The following NCKAP5 variants were observed in gnomAD, a reference collection of about 807,000 sequenced individuals.
The protein encoded by NCKAP5 is NCK associated protein 5.
A neutral mutation model predicts 167.0 loss-of-function variants in NCKAP5; 92 were observed. The observed-to-expected ratio is 0.55, with a 90% CI of 0.47 to 0.66. The LOEUF (loss-of-function observed/expected upper bound fraction) is 0.66. Among genes scored for constraint, NCKAP5 ranks in the 30% least tolerant of loss-of-function variants. NCKAP5 has a pLI of 0.00. For synonymous variants in NCKAP5, 891 were observed against 877.4 expected, an observed-to-expected ratio of 1.02 and a Z score of -0.27; for missense variants, 2,378 against 2,315.0, an observed-to-expected ratio of 1.03 and a Z score of -0.56.
At chr2:132,715,264 C>T (rs1689256821) in intron 19 of NCKAP5, among the ~76,000 whole-genome samples, 1 of 152,164 alleles carries the variant, frequency 6.6e-6, no homozygotes, top group African/African-American at 2.4e-5. Flanking sequence ...CTTTTCCCCA[C>T]CTACCCCACT....
intron 18 of NCKAP5, among the ~76,000 whole-genome samples, chr2:132,726,103 G>T (rs1230880177): frequency 6.6e-6 from 1 of 152,302 alleles, no homozygotes; most frequent in East Asian, 1.9e-4. Context: ...TTTCTCAAGT[G>T]CCTATTATGA....
intron 4 of NCKAP5, among the ~76,000 whole-genome samples, chr2:133,244,403 C>G (rs1038943535): frequency 8.5e-5 from 13 of 152,090 alleles, no homozygotes; most frequent in African/African-American, 2.9e-4. Flanking sequence ...TTCTCTTTAA[C>G]CTCCAATCTG....
chr2:132,807,928 C>T (rs1024315432), intron 11 of NCKAP5, among the ~76,000 whole-genome samples: 10 of 151,962 alleles, frequency 6.6e-5, no homozygotes, highest in Admixed American at 5.9e-4. Flanking sequence ...AAGGTATGTC[C>T]CTTATATGCT....
chr2:133,303,793 G>A lies in NCKAP5; in HGVS notation c.70-683C>T, dbSNP rs980633257. Reference sequence around the variant, plus strand: ...TCTGAAAAAAAATTAAAGAATTCACGTGTTACATGAGAAGTAAGCAGAAAA... The same window carrying A: ...TCTGAAAAAAAATTAAAGAATTCACATGTTACATGAGAAGTAAGCAGAAAA... On this transcript the variant is annotated intron_variant, in intron 3 of 19. Coordinates refer to ENST00000409261, the MANE Select transcript of NCKAP5 (RefSeq NM_207363.3). 3.3e-5 allele frequency among the ~76,000 whole-genome samples: 5 copies of A among 152,062 alleles called. No individual in the cohort carries two copies. The East Asian group carries it at 5.8e-4, about 18-fold the overall frequency.
chr2:133,227,163 A>G (rs962751018), intron 4 of NCKAP5, among the ~76,000 whole-genome samples: 1 of 152,210 alleles, frequency 6.6e-6, no homozygotes, highest in Admixed American at 6.5e-5. Flanking sequence ...TTTACTGCAA[A>G]GTGGGTTTTT....
At chr2:132,809,068 G>A (rs1313853563) in intron 11 of NCKAP5, among the ~76,000 whole-genome samples, 1 of 152,044 alleles carries the variant, frequency 6.6e-6, no homozygotes, top group Non-Finnish European at 1.5e-5. Flanking sequence ...CCACGTATTT[G>A]CATGGTTTTG....
At chr2:133,466,601 A>G (rs1287076226) in intron 3 of NCKAP5, among the ~76,000 whole-genome samples, 2 of 152,186 alleles carry the variant, frequency 1.3e-5, no homozygotes, top group African/African-American at 4.8e-5. Context: ...TACCTTGGGC[A>G]GTATGGCCAT....
At chr2:133,586,197 A>G in the NCKAP5 span, among the ~76,000 whole-genome samples, 9 of 152,162 alleles carry the variant, frequency 5.9e-5, no homozygotes, top group African/African-American at 1.4e-4. Context: ...TTAATGACCA[A>G]CTGAAGCCAA....
At chr2:133,055,495 A>T (rs1048151483) in intron 6 of NCKAP5, among the ~76,000 whole-genome samples, 1 of 150,068 alleles carries the variant, frequency 6.7e-6, no homozygotes, top group African/African-American at 2.4e-5. Flanking sequence ...TATATAGTTT[A>T]TATATATATG....
chr2:133,574,430 C>T, the NCKAP5 span, among the ~76,000 whole-genome samples: 1 of 152,138 alleles, frequency 6.6e-6, no homozygotes, highest in South Asian at 2.1e-4. Flanking sequence ...GGTGGCCCTG[C>T]TGCATTTGCC....
chr2:133,413,511 A>G (rs972336433), intron 3 of NCKAP5, among the ~76,000 whole-genome samples: 5 of 152,048 alleles, frequency 3.3e-5, no homozygotes, highest in Non-Finnish European at 7.4e-5. Context: ...ATGTGATGTT[A>G]TCATTAGGGG....
intron 3 of NCKAP5, among the ~76,000 whole-genome samples, chr2:133,379,113 G>A (rs1399342345): frequency 4.6e-5 from 7 of 152,168 alleles, no homozygotes; most frequent in Non-Finnish European, 7.4e-5. Flanking sequence ...TACACCAACA[G>A]TGCCTAATGC....
intron 8 of NCKAP5, among the ~76,000 whole-genome samples, 188 bp from the exon 9 acceptor site, chr2:132,879,104 T>G (rs191822468): frequency 6.6e-6 from 1 of 152,322 alleles, no homozygotes; most frequent in Non-Finnish European, 1.5e-5. Flanking sequence ...ACCAACTTGC[T>G]CACTAAAATA....
chr2:133,141,077 T>G (rs1245351360), intron 5 of NCKAP5, among the ~76,000 whole-genome samples: 2 of 152,048 alleles, frequency 1.3e-5, no homozygotes, highest in Non-Finnish European at 2.9e-5. Flanking sequence ...ATAAAGTTTC[T>G]CTCGGTAACA....
At chr2:133,224,582 T>G (rs2086801501) in intron 4 of NCKAP5, among the ~76,000 whole-genome samples, 1 of 152,196 alleles carries the variant, frequency 6.6e-6, no homozygotes, top group South Asian at 2.1e-4. Context: ...GGTTTTCTCC[T>G]TTTTATTTCT....
chr2:133,091,431 C>A (rs953942271), intron 6 of NCKAP5, among the ~76,000 whole-genome samples: 2 of 152,096 alleles, frequency 1.3e-5, no homozygotes, highest in African/African-American at 4.8e-5. Context: ...AATGAGTCCT[C>A]AGCAAATATT....
chr2:132,885,599 A>G (rs1692151136), intron 8 of NCKAP5, among the ~76,000 whole-genome samples: 2 of 152,202 alleles, frequency 1.3e-5, no homozygotes, highest in Non-Finnish European at 2.9e-5. Flanking sequence ...TCCTTATAAA[A>G]TCAAAGAGCA....
At chr2:133,220,910 C>T (rs2086634119) in intron 4 of NCKAP5, among the ~76,000 whole-genome samples, 1 of 152,190 alleles carries the variant, frequency 6.6e-6, no homozygotes. Flanking sequence ...GTGTGCCCCA[C>T]TCTCCACCAG....
At chr2:133,440,031 A>G (rs1690735118) in intron 3 of NCKAP5, among the ~76,000 whole-genome samples, 1 of 152,134 alleles carries the variant, frequency 6.6e-6, no homozygotes, top group Non-Finnish European at 1.5e-5. Flanking sequence ...TAGACCTCAC[A>G]TTATTTGCTA....
Sources: allele counts gnomAD v4.1 joint callset (sites outside exome capture counted in the v4.1 genomes callset), GRCh38; gene constraint gnomAD v4.1.1; transcripts MANE v1.5; gene names NCBI Gene and HGNC (gene_info 2026-07-23, HGNC 2026-07-21).